The following ERCC1 variants were observed in gnomAD, a reference collection of about 807,000 sequenced individuals.
The protein encoded by ERCC1 is ERCC excision repair 1, endonuclease non-catalytic subunit, also known as DNA excision repair protein ERCC-1.
Under a neutral mutation model 37.6 loss-of-function variants are expected in ERCC1, and 36 were observed. The observed-to-expected ratio is 0.96, with a 90% CI of 0.73 to 1.26. The LOEUF (loss-of-function observed/expected upper bound fraction) is 1.26, where lower values mean the gene tolerates loss of function less well. ERCC1 is among the 50% of genes most tolerant of loss of function. The pLI is 0.00. For synonymous variants in ERCC1, 156 were observed against 162.1 expected (o/e 0.96, Z 0.28); for missense variants, 349 against 376.5 (o/e 0.93, Z 0.60).
At position 45,408,612 on chromosome 19, in the gene ERCC1, A is replaced by G. The variant is rs1568569899; in HGVS notation, c.*1063T>C. The G allele has an allele frequency of 7.4e-6, 12 of 1,613,630 alleles. No homozygotes were observed. The highest frequency in any genetic ancestry group is 1.7e-5 in the Admixed American group (1 of 59,990). On this transcript the variant is annotated 3_prime_UTR_variant, in exon 10 of 10. Transcript: ENST00000300853. ...GAAATGGATGTGCGGAAGAAGAAGA[A>G]GAAAAAAAATCAGCAGCTGAAAGAA...
chr19:45,407,379 T>C lies in ERCC1; in HGVS notation c.*2296A>G. ...TATTGGAAACTACTCCTTTACAGAG[T>C]AGAGTGTCCTCAGAAAGCAGGGGGA... On this transcript the variant is annotated 3_prime_UTR_variant, in exon 10 of 10. Coordinates refer to ENST00000300853, the MANE Select transcript of ERCC1 (RefSeq NM_001983.4). The C allele has an allele frequency of 2.8e-6, 2 of 709,402 alleles. No homozygotes were observed. Among genetic ancestry groups the C allele is most frequent in the East Asian group, 6.0e-5 (2 of 33,284 alleles). 43.9% of individuals were successfully genotyped at this position (709,402 alleles called of 1,614,324 possible). A position where few individuals can be genotyped will look rare whatever the true frequency, so the allele number is the denominator to read the frequency against.
chr19:45,421,254 G>C lies in ERCC1; in HGVS notation c.245C>G (p.Pro82Arg), dbSNP rs767934577. 1 of 1,614,076 alleles carries C rather than the reference G, an allele frequency of 6.2e-7. No individual in the cohort carries two copies. Among genetic ancestry groups the C allele is most frequent in the African/African-American group, 1.3e-5 (1 of 74,932 alleles). ...AGATCPTGSE[P>R]LAGETPNQAL... ...CTGGTTGGGCGTCTCTCCTGCCAGG[G>C]GCTCTGACCCTGTGGGGCACGTGGC... The change falls in exon 3 of 10, where the codon CCC becomes CGC. Residue 82 changes from proline (P) to arginine (R), a missense_variant. Coordinates refer to ENST00000300853, the MANE Select transcript of ERCC1 (RefSeq NM_001983.4).
chr19:45,416,655 AAT>A, intron 6 of ERCC1, 164 bp downstream of exon 6: 2 of 613,010 alleles, frequency 3.3e-6, no homozygotes, highest in Admixed American at 2.9e-5. Flanking sequence ...AAAAAAAAAA[AAT>A]TAAGACCTTG....
intron 2 of ERCC1, among the ~76,000 whole-genome samples, chr19:45,422,856 C>T (rs1974523569): frequency 6.6e-6 from 1 of 152,218 alleles, no homozygotes; most frequent in Admixed American, 6.5e-5. Context: ...ATAGCCAATG[C>T]TCATCACCCG....
chr19:45,417,730 C>A (rs765344657), intron 5 of ERCC1, among the ~76,000 whole-genome samples: 2 of 152,018 alleles, frequency 1.3e-5, no homozygotes, highest in Non-Finnish European at 2.9e-5. Context: ...GACGGAGTCT[C>A]GCTCTGTTGC....
intron 2 of ERCC1, among the ~76,000 whole-genome samples, chr19:45,421,633 ATT>A (rs148317782): frequency 2.5e-4 from 33 of 131,244 alleles, no homozygotes; most frequent in Admixed American, 3.0e-4. Context: ...CGCCCAGCTA[ATT>A]TTTTTTTTTT....
At chr19:45,419,055 C>A in intron 5 of ERCC1, 43 bp downstream of exon 5, 1 of 1,395,366 alleles carries the variant, frequency 7.2e-7, no homozygotes, top group South Asian at 1.2e-5. Flanking sequence ...ACTGCACAAC[C>A]TCAAAGCCCG....
At chr19:45,439,257 AG>A (rs1335237212) in intron 1 of ERCC1, among the ~76,000 whole-genome samples, 1 of 152,190 alleles carries the variant, frequency 6.6e-6, no homozygotes, top group Non-Finnish European at 1.5e-5. Context: ...TTCCCCATTT[AG>A]GAAGTGTCCA....
At position 45,421,883 on chromosome 19, in the gene ERCC1, TC is replaced by T. The variant is rs3212943; in HGVS notation, c.106-491del. On this transcript the variant is annotated intron_variant, in intron 2 of 9. Coordinates refer to ENST00000300853, the MANE Select transcript of ERCC1 (RefSeq NM_001983.4). ...CCTGACCTCAGGTGATCCGCCCGCC[TC>T]GGCCTCCCAAAGTCCTGGGATTACA... 5.4e-3 allele frequency among the ~76,000 whole-genome samples: 814 copies of T among 152,124 alleles called. 5 individuals are homozygous for T. Among genetic ancestry groups the T allele is most frequent in the African/African-American group, 0.018 (767 of 41,510 alleles).
In ERCC1 at chr19:45,413,971, TG is replaced by T. The variant is rs1973892147; in HGVS notation, c.765del (p.Thr256HisfsTer39). On this transcript the variant is annotated frameshift_variant, in exon 8 of 10. Coordinates refer to ENST00000300853, the MANE Select transcript of ERCC1 (RefSeq NM_001983.4). LOFTEE classifies it high-confidence loss of function. ...GGGGAGCCATTCCTTACTCCAAATG[TG>T]GTCAGGAGGGTCTGACTGTCCGTTT... is the stretch of plus-strand genomic sequence containing the variant. Reference protein sequence around the residue: ...VNKTDSQTLLTTFGSLEQLIA... With the variant: ...VNKTDSQTLLXTFGSLEQLIA... The T allele has an allele frequency of 6.2e-7, 1 of 1,611,916 alleles. No homozygotes were observed. The highest frequency in any genetic ancestry group is 8.5e-7 in the Non-Finnish European group (1 of 1,179,492).
intron 2 of ERCC1, among the ~76,000 whole-genome samples, chr19:45,422,542 G>A: frequency 6.6e-6 from 1 of 152,138 alleles, no homozygotes; most frequent in Admixed American, 6.6e-5. Context: ...GGAGGCCGAG[G>A]TGGGCGGATC....
chr19:45,423,164 G>A (rs557470573), intron 2 of ERCC1, 106 bp downstream of exon 2: 3 of 1,106,436 alleles, frequency 2.7e-6, no homozygotes, highest in East Asian at 5.2e-5. Flanking sequence ...AGTCGTCCGT[G>A]GCCCCCAAAT....
In ERCC1 at chr19:45,409,685, T is replaced by G; in HGVS notation, c.884A>C (p.Lys295Thr). ...TGGCAGCTGGGGTCATCAGGGTACT[T>G]TCAAGAAGGGCTCGTGCAGGACATC... is the stretch of plus-strand genomic sequence containing the variant. Reference protein sequence around the residue: ...LFDVLHEPFLKVP With the variant: ...LFDVLHEPFLTVP The change falls in exon 10 of 10, where the codon AAA becomes ACA. Residue 295 changes from lysine to threonine, a missense_variant. Transcript: ENST00000300853. 1 of 1,083,718 alleles carries G rather than the reference T, an allele frequency of 9.2e-7. No homozygotes were observed. The highest frequency in any genetic ancestry group is 1.4e-6 in the Non-Finnish European group (1 of 695,966). 67.1% of individuals were successfully genotyped at this position (1,083,718 alleles called of 1,614,324 possible). A position where few individuals can be genotyped will look rare whatever the true frequency, so the allele number is the denominator to read the frequency against.
chr19:45,419,006 T>C, intron 5 of ERCC1, 92 bp downstream of exon 5: 1 of 873,892 alleles, frequency 1.1e-6, no homozygotes, highest in East Asian at 2.7e-5. Context: ...CTCGCTGAGG[T>C]TTTAGCTGCA....
In ERCC1 at chr19:45,408,583, G is replaced by A. The variant is rs77680493; in HGVS notation, c.*1092C>T. On this transcript the variant is annotated 3_prime_UTR_variant, in exon 10 of 10. Coordinates refer to ENST00000300853, the MANE Select transcript of ERCC1 (RefSeq NM_001983.4). ...TGGAGGTGGACATGGCTTTGGGGTCGCCAGAAATGGATGTGCGGAAGAAGA... is the reference window on the plus strand; with the variant it reads ...TGGAGGTGGACATGGCTTTGGGGTCACCAGAAATGGATGTGCGGAAGAAGA... The A allele has an allele frequency of 1.1e-5, 18 of 1,613,828 alleles. No individual in the cohort carries two copies. Among genetic ancestry groups the A allele is most frequent in the African/African-American group, 1.1e-4 (8 of 75,028 alleles).
chr19:45,427,358 T>C (rs527950598), upstream of ERCC1, among the ~76,000 whole-genome samples: 9 of 152,120 alleles, frequency 5.9e-5, no homozygotes, highest in South Asian at 1.9e-3. Context: ...GCCTGTAATC[T>C]CGGCACTTTG....
intron 1 of ERCC1, among the ~76,000 whole-genome samples, chr19:45,443,797 C>G (rs1975183790): frequency 6.6e-6 from 1 of 152,004 alleles, no homozygotes; most frequent in Non-Finnish European, 1.5e-5. Flanking sequence ...TAGCCTCCTT[C>G]TCCCTGGGGA....
chr19:45,427,981 G>A (rs1974736842), upstream of ERCC1, among the ~76,000 whole-genome samples: 1 of 152,106 alleles, frequency 6.6e-6, no homozygotes, highest in Non-Finnish European at 1.5e-5. Context: ...AGAGCGAGGG[G>A]AAAAAATTGC....
Position 45,409,475 on chromosome 19 carries a change from A to AAGCAGCAGC in ERCC1, c.*191_*199dup, listed in dbSNP as rs763194578. The AAGCAGCAGC allele has an allele frequency of 1.9e-6, 3 of 1,609,420 alleles. No individual in the cohort carries two copies. The highest frequency in any genetic ancestry group is 2.7e-5 in the African/African-American group (2 of 74,844). On this transcript the variant is annotated 3_prime_UTR_variant, in exon 10 of 10. Transcript: ENST00000300853. Reference sequence around the variant, plus strand: ...TCCCACAGGCCGGGACAAGAAGCGGAAGCAGCAGCAGCAGCAGCCTGTGTA... The same window carrying AAGCAGCAGC: ...TCCCACAGGCCGGGACAAGAAGCGGAAGCAGCAGCAGCAGCAGCAGCAGCAGCCTGTGTA...
Sources: gnomAD v4.1 joint callset for allele counts (sites outside exome capture counted in the v4.1 genomes callset) on GRCh38, gnomAD v4.1.1 for gene constraint, MANE v1.5 for transcripts, NCBI Gene and HGNC (gene_info 2026-07-23, HGNC 2026-07-21) for gene names.